INPP5F: variants seen among roughly 807,000 people sequenced by gnomAD.
The protein encoded by INPP5F is inositol polyphosphate-5-phosphatase F.
A neutral mutation model predicts 137.2 loss-of-function variants in INPP5F; 97 were observed. That is an observed-to-expected ratio of 0.71 (90% CI 0.60 to 0.84). The LOEUF is 0.84. INPP5F is among the 40% of genes least tolerant of loss of function. The pLI is 0.00. For synonymous variants in INPP5F, 504 were observed against 476.9 expected (o/e 1.06, Z -0.74); for missense variants, 1,271 against 1,371.9 (o/e 0.93, Z 1.16).
At chr10:119,745,897 G>C (rs1248019137) in intron 1 of INPP5F, among the ~76,000 whole-genome samples, 1 of 151,838 alleles carries the variant, frequency 6.6e-6, no homozygotes, top group East Asian at 1.9e-4. Flanking sequence ...TAGAGATGGG[G>C]TTTCACCATG....
chr10:119,755,526 A>T (rs1848814603), intron 2 of INPP5F, among the ~76,000 whole-genome samples: 1 of 152,220 alleles, frequency 6.6e-6, no homozygotes, highest in African/African-American at 2.4e-5. Context: ...TTAGGACTTC[A>T]GCATATGAAT....
intron 3 of INPP5F, among the ~76,000 whole-genome samples, chr10:119,788,593 C>T (rs1331952852): frequency 1.3e-5 from 2 of 152,178 alleles, no homozygotes; most frequent in Admixed American, 1.3e-4. Flanking sequence ...GACTATAGTC[C>T]TTACAGTTCC....
chr10:119,794,017 A>G (rs553021573), intron 6 of INPP5F, among the ~76,000 whole-genome samples: 1 of 152,140 alleles, frequency 6.6e-6, no homozygotes, highest in South Asian at 2.1e-4. Flanking sequence ...TTTATTTTTT[A>G]TGTTTGCATT....
rs759834707 is a variant in INPP5F at position 119,806,518 on chromosome 10, G to A, written c.1440+38G>A. 3.0e-5 allele frequency: 46 copies of A among 1,534,356 alleles called. No homozygotes were observed. In the African/African-American group the frequency reaches 3.8e-4, roughly 13 times the overall value. The stretch of plus-strand genomic sequence containing the variant: ...CTGTTGGATTGCAAATATTCATTTC[G>A]AAATGCTTTTTTTTTCCATGAGTAA... On this transcript the variant is annotated intron_variant, in intron 12 of 19. Coordinates refer to ENST00000650623, the MANE Select transcript of INPP5F (RefSeq NM_014937.4).
chr10:119,815,594 G>A (rs1851239325), intron 15 of INPP5F: 2 of 257,978 alleles, frequency 7.8e-6, no homozygotes, highest in Non-Finnish European at 1.6e-5. Context: ...CTGATGCAGA[G>A]TGGTTCTGTC....
chr10:119,754,246 C>T (rs1037281036), intron 2 of INPP5F, among the ~76,000 whole-genome samples: 8 of 152,198 alleles, frequency 5.3e-5, no homozygotes, highest in Non-Finnish European at 5.9e-5. Flanking sequence ...GGAGGCAGAG[C>T]AGGAGGGTTT....
chr10:119,798,530 C>A lies in INPP5F; in HGVS notation c.1049-13C>A. On this transcript the variant is annotated splice_polypyrimidine_tract_variant and intron_variant, in intron 8 of 19. Coordinates refer to ENST00000650623, the MANE Select transcript of INPP5F (RefSeq NM_014937.4). Reference sequence around the variant, plus strand: ...TGGGAAGGAAAAAAAGATTTTGTATCACTTCTTTGTAGGTGAAAAGGAAAC... The same window carrying A: ...TGGGAAGGAAAAAAAGATTTTGTATAACTTCTTTGTAGGTGAAAAGGAAAC... 1 of 1,597,252 alleles carries A rather than the reference C, an allele frequency of 6.3e-7. No homozygotes were observed.
intron 1 of INPP5F, among the ~76,000 whole-genome samples, chr10:119,736,434 C>T (rs993485053): frequency 6.6e-6 from 1 of 152,106 alleles, no homozygotes; most frequent in Non-Finnish European, 1.5e-5. Flanking sequence ...CCAAAGTTCT[C>T]GGATTACAGG....
rs1342041565 is a variant in INPP5F at position 119,738,385 on chromosome 10, A to C, written c.97+12026A>C. On this transcript the variant is annotated intron_variant, in intron 1 of 19. Transcript: ENST00000650623. ...GAGTATACCTTCTGAAGGAAAGATT[A>C]GAAAACAATACATTTGTTGGATTAG... is the stretch of plus-strand genomic sequence containing the variant. Among the ~76,000 whole-genome samples the C allele has an allele frequency of 3.3e-5, 5 of 152,336 alleles. No individual in the cohort carries two copies. In the East Asian group the frequency reaches 9.6e-4, roughly 29 times the overall value.
chr10:119,786,905 T>G (rs1323815198), intron 3 of INPP5F, among the ~76,000 whole-genome samples: 1 of 152,142 alleles, frequency 6.6e-6, no homozygotes, highest in Non-Finnish European at 1.5e-5. Context: ...GAGTTTGAAC[T>G]TTGTTATACA....
chr10:119,763,344 C>A (rs771542174), intron 2 of INPP5F, among the ~76,000 whole-genome samples: 2 of 152,212 alleles, frequency 1.3e-5, no homozygotes, highest in Non-Finnish European at 2.9e-5. Flanking sequence ...CCTATCCTCA[C>A]GGCATCTGGC....
chr10:119,818,201 G>T lies in INPP5F; in HGVS notation c.1887-2645G>T, dbSNP rs1037926526. ...CTCTCTGCCTTTCTTGTCCTTTCCC[G>T]CCCGTTATCGCAGGAAACCCCCGAC... On this transcript the variant is annotated intron_variant, in intron 15 of 19. Coordinates refer to ENST00000650623, the MANE Select transcript of INPP5F (RefSeq NM_014937.4). 3.3e-5 allele frequency among the ~76,000 whole-genome samples: 5 copies of T among 152,252 alleles called. No homozygotes were observed. In the East Asian group the frequency reaches 9.6e-4, roughly 29 times the overall value.
In INPP5F at chr10:119,828,219, T is replaced by A. The variant is rs1851850123; in HGVS notation, c.*439T>A. 6.4e-6 allele frequency: 1 copy of A among 155,082 alleles called. No individual in the cohort carries two copies. Among genetic ancestry groups the A allele is most frequent in the Non-Finnish European group, 1.4e-5 (1 of 70,016 alleles). The allele number at this position is 155,082 out of a possible 1,614,324, so 9.6% of individuals were successfully genotyped here. On this transcript the variant is annotated 3_prime_UTR_variant, in exon 20 of 20. Coordinates refer to ENST00000650623, the MANE Select transcript of INPP5F (RefSeq NM_014937.4). ...AGTAAATTACACATTTAGTTTTTAG[T>A]GACTTTAACATGTTACTGAAGCATT...
chr10:119,818,234 A>T (rs934929148), intron 15 of INPP5F, among the ~76,000 whole-genome samples: 1 of 152,202 alleles, frequency 6.6e-6, no homozygotes, highest in Non-Finnish European at 1.5e-5. Flanking sequence ...GACTCTATCG[A>T]CAGCGGGAAA....
intron 1 of INPP5F, among the ~76,000 whole-genome samples, chr10:119,727,978 G>A (rs752039845): frequency 8.5e-5 from 13 of 152,134 alleles, no homozygotes; most frequent in Non-Finnish European, 1.8e-4. Context: ...ACTTAAGATC[G>A]TCTCCAACTC....
At chr10:119,806,138 GT>G (rs559154491) in intron 11 of INPP5F, among the ~76,000 whole-genome samples, 47 of 146,606 alleles carry the variant, frequency 3.2e-4, no homozygotes, top group Middle Eastern at 3.6e-3. Context: ...CTGCACCCCA[GT>G]TTTTTTTTTT....
chr10:119,765,874 TATATATAGAG>T (rs1299577989), intron 2 of INPP5F, among the ~76,000 whole-genome samples: 1 of 37,380 alleles, frequency 2.7e-5, no homozygotes, highest in African/African-American at 7.1e-5. Flanking sequence ...ACTATATATA[TATATATAGAG>T]AGAGAGAGAG....
At chr10:119,819,923 G>GTTA (rs903045604) in intron 15 of INPP5F, 4 of 158,018 alleles carry the variant, frequency 2.5e-5, no homozygotes, top group African/African-American at 9.6e-5. Flanking sequence ...TTTTCTGCTT[G>GTTA]TTATTAGTAG....
intron 3 of INPP5F, among the ~76,000 whole-genome samples, chr10:119,786,678 ATTTT>A (rs34610067): frequency 6.8e-6 from 1 of 146,714 alleles, no homozygotes; most frequent in Non-Finnish European, 1.5e-5. Context: ...CCCCCTGCTA[ATTTT>A]TTTTTTTTCT....
Sources: gnomAD v4.1 joint callset for allele counts (sites outside exome capture counted in the v4.1 genomes callset) on GRCh38, gnomAD v4.1.1 for gene constraint, MANE v1.5 for transcripts, NCBI Gene and HGNC (gene_info 2026-07-23, HGNC 2026-07-21) for gene names.